The following KATNIP variants were observed in gnomAD, a reference collection of about 807,000 sequenced individuals.
KATNIP encodes the protein katanin interacting protein.
Under a neutral mutation model 174.0 loss-of-function variants are expected in KATNIP, and 126 were observed. The observed-to-expected ratio is 0.72, with a 90% CI of 0.63 to 0.84. The LOEUF (loss-of-function observed/expected upper bound fraction) is 0.84. Among genes scored for constraint, KATNIP ranks in the 40% least tolerant of loss-of-function variants. The pLI is 0.00. For missense variants in KATNIP, 1,958 were observed against 2,109.7 expected (o/e 0.93, Z 1.41); for synonymous variants, 810 against 835.7 (o/e 0.97, Z 0.53).
intron 14 of KATNIP, among the ~76,000 whole-genome samples, chr16:27,723,697 T>C (rs910049797): frequency 6.6e-6 from 1 of 152,152 alleles, no homozygotes; most frequent in Admixed American, 6.5e-5. Context: ...CTTACTGATA[T>C]CCAGATGAGA....
intron 3 of KATNIP, among the ~76,000 whole-genome samples, chr16:27,619,723 A>AC (rs1456527176): frequency 2.6e-5 from 4 of 152,110 alleles, no homozygotes; most frequent in African/African-American, 9.7e-5. Flanking sequence ...CTTTCCAGAT[A>AC]CCTACCTACT....
intron 13 of KATNIP, among the ~76,000 whole-genome samples, chr16:27,713,886 T>G (rs2079803974): frequency 8.0e-6 from 1 of 124,322 alleles, no homozygotes; most frequent in Non-Finnish European, 1.7e-5. Context: ...TTCCCCTACT[T>G]GAAACATGTT....
intron 2 of KATNIP, among the ~76,000 whole-genome samples, chr16:27,592,270 C>CTTTTTTTTTTTTTTTTTTTTTTTTTT: frequency 2.2e-5 from 1 of 44,780 alleles, no homozygotes; most frequent in Non-Finnish European, 3.7e-5. Flanking sequence ...GCATATATTA[C>CTTTTTTTTTTTTTTTTTTTTTTTTTT]TTTTTTTTTT....
chr16:27,621,125 A>T (rs917968792), intron 3 of KATNIP, among the ~76,000 whole-genome samples: 1 of 151,944 alleles, frequency 6.6e-6, no homozygotes, highest in Non-Finnish European at 1.5e-5. Context: ...TATTTTTTTT[A>T]AATAGCCAGG....
Position 27,749,691 on chromosome 16 carries a change from C to T in KATNIP, c.2731C>T (p.Arg911Trp), listed in dbSNP as rs769253841. Residue 911 changes from arginine (R) to tryptophan (W), a missense_variant, in exon 16 of 28, where the codon CGG becomes TGG. Transcript: ENST00000261588. The part of the protein sequence containing the change: ...SSLSAFDRSH[R>W]GRISNTELPG... ...CCTCAGTGCCTTCGACCGCTCCCAC[C>T]GGGGACGCATCTCCAACACGGAGCT... 15 of 1,613,258 alleles carry T rather than the reference C, an allele frequency of 9.3e-6. No homozygotes were observed. Among genetic ancestry groups the T allele is most frequent in the East Asian group, 4.5e-5 (2 of 44,880 alleles).
intron 7 of KATNIP, among the ~76,000 whole-genome samples, chr16:27,678,227 G>A (rs891000028): frequency 6.6e-6 from 1 of 152,186 alleles, no homozygotes; most frequent in Non-Finnish European, 1.5e-5. Flanking sequence ...GGAGGTGTCT[G>A]TTCTGTACAC....
At chr16:27,624,022 C>T (rs532562566) in intron 3 of KATNIP, among the ~76,000 whole-genome samples, 1 of 152,150 alleles carries the variant, frequency 6.6e-6, no homozygotes, top group Non-Finnish European at 1.5e-5. Context: ...CCGGCACCTC[C>T]CTGGGCTGCC....
intron 6 of KATNIP, chr16:27,654,741 G>A: frequency 7.4e-7 from 1 of 1,352,024 alleles, no homozygotes; most frequent in Admixed American, 1.9e-5. Flanking sequence ...GTGATGGTAA[G>A]ATCAGTTTTC....
intron 6 of KATNIP, among the ~76,000 whole-genome samples, chr16:27,652,291 G>C (rs936325657): frequency 1.3e-5 from 2 of 152,210 alleles, no homozygotes; most frequent in African/African-American, 2.4e-5. Flanking sequence ...TACTTAAGTA[G>C]AGGAGAGGTC....
chr16:27,583,324 C>T (rs2090767439), intron 2 of KATNIP, among the ~76,000 whole-genome samples: 1 of 152,310 alleles, frequency 6.6e-6, no homozygotes, highest in South Asian at 2.1e-4. Context: ...AGAGCACCAT[C>T]AAAGTGTTCT....
chr16:27,762,245 C>T (rs778399455), intron 19 of KATNIP, among the ~76,000 whole-genome samples: 1 of 152,174 alleles, frequency 6.6e-6, no homozygotes, highest in Non-Finnish European at 1.5e-5. Context: ...GTTCAAATCC[C>T]GCCTCTGCCC....
chr16:27,666,688 G>T (rs561210166), intron 6 of KATNIP, among the ~76,000 whole-genome samples: 1 of 152,292 alleles, frequency 6.6e-6, no homozygotes, highest in South Asian at 2.1e-4. Context: ...GGGATTACAG[G>T]TGTGAGCCAC....
intron 2 of KATNIP, among the ~76,000 whole-genome samples, chr16:27,613,653 ACTT>A (rs2075960335): frequency 6.6e-6 from 1 of 152,178 alleles, no homozygotes; most frequent in Non-Finnish European, 1.5e-5. Flanking sequence ...AATAATCACT[ACTT>A]CAAGGGCTTC....
At chr16:27,582,707 C>T (rs1468496304) in intron 2 of KATNIP, among the ~76,000 whole-genome samples, 1 of 152,118 alleles carries the variant, frequency 6.6e-6, no homozygotes, top group African/African-American at 2.4e-5. Context: ...TTCGACTTCC[C>T]CCTCTATAAG....
At position 27,604,391 on chromosome 16, in the gene KATNIP, G is replaced by A. The variant is rs183590015; in HGVS notation, c.64-14034G>A. Among the ~76,000 whole-genome samples, 539 of 152,134 alleles carry A rather than the reference G, an allele frequency of 3.5e-3. 3 individuals carry two copies. Among genetic ancestry groups the A allele is most frequent in the Non-Finnish European group, 5.4e-3 (368 of 67,988 alleles). ...TTGGACCACAGGCACACACCACCAC[G>A]CCCAGCTACTTTAAAAAATTTTTAG... On this transcript the variant is annotated intron_variant, in intron 2 of 27. Transcript: ENST00000261588.
intron 7 of KATNIP, among the ~76,000 whole-genome samples, chr16:27,678,307 A>T (rs1191733064): frequency 6.6e-6 from 1 of 152,188 alleles, no homozygotes; most frequent in African/African-American, 2.4e-5. Flanking sequence ...GGGACTATTT[A>T]TTGACTTGAG....
chr16:27,666,862 G>A (rs565713676), intron 6 of KATNIP, among the ~76,000 whole-genome samples: 6 of 152,212 alleles, frequency 3.9e-5, no homozygotes, highest in African/African-American at 1.4e-4. Flanking sequence ...ACGTGGACTG[G>A]CAAGCCCTAA....
Position 27,703,878 on chromosome 16 carries a change from A to G in KATNIP, c.1287-18A>G. 1 of 1,605,226 alleles carries G rather than the reference A, an allele frequency of 6.2e-7. No homozygotes were observed. The highest frequency in any genetic ancestry group is 8.5e-7 in the Non-Finnish European group (1 of 1,171,892). On this transcript the variant is annotated intron_variant, in intron 11 of 27. Transcript: ENST00000261588. ...TCATTTACTACTTCCTGTTTGCTAA[A>G]ACCAAATCCCATTTCAGACAACAGC...
chr16:27,707,871 A>G (rs1411000416), intron 12 of KATNIP, among the ~76,000 whole-genome samples: 2 of 152,152 alleles, frequency 1.3e-5, no homozygotes, highest in Non-Finnish European at 2.9e-5. Flanking sequence ...TAAGGACACC[A>G]GTTAGATTGG....
Sources: allele counts gnomAD v4.1 joint callset (sites outside exome capture counted in the v4.1 genomes callset), GRCh38; gene constraint gnomAD v4.1.1; transcripts MANE v1.5; gene names NCBI Gene and HGNC (gene_info 2026-07-23, HGNC 2026-07-21).